PAFAH1B2: variants seen among roughly 807,000 people sequenced by gnomAD.
PAFAH1B2 encodes platelet activating factor acetylhydrolase 1b catalytic subunit 2, also known as platelet-activating factor acetylhydrolase IB subunit alpha2.
In PAFAH1B2, 8 loss-of-function variants were observed where a neutral mutation model predicts 28.0. That is an observed-to-expected ratio of 0.29 (90% CI 0.17 to 0.52). The LOEUF (loss-of-function observed/expected upper bound fraction) is 0.52. PAFAH1B2 is among the 20% of genes least tolerant of loss of function. The pLI is 0.97. For missense variants in PAFAH1B2, 190 were observed against 282.6 expected, an observed-to-expected ratio of 0.67 and a Z score of 2.35; for synonymous variants, 104 against 103.2, an observed-to-expected ratio of 1.01 and a Z score of -0.05.
chr11:117,164,958 CTTTTT>C (rs368887694), intron 5 of PAFAH1B2, among the ~76,000 whole-genome samples: 1 of 132,236 alleles, frequency 7.6e-6, no homozygotes, highest in Admixed American at 7.8e-5. Context: ...TTTCTTTTTT[CTTTTT>C]TTTTTTTTTT....
chr11:117,164,664 A>G (rs1192675504), intron 5 of PAFAH1B2, among the ~76,000 whole-genome samples: 1 of 152,202 alleles, frequency 6.6e-6, no homozygotes, highest in African/African-American at 2.4e-5. Context: ...CTGAACAGAA[A>G]GGTGCTACCC....
rs367691780 is a variant in PAFAH1B2 at position 117,145,184 on chromosome 11, G to GT, written c.-8+773dup. The stretch of plus-strand genomic sequence containing the variant: ...TGTCAGCGGAGAGGTTTGGGGGGAT[G>GT]TTTTTTTCCTGGCTCACCGTCCGTT... On this transcript the variant is annotated intron_variant, in intron 1 of 5. Coordinates refer to ENST00000527958, the MANE Select transcript of PAFAH1B2 (RefSeq NM_002572.4). 5.5e-3 allele frequency among the ~76,000 whole-genome samples: 841 copies of GT among 152,220 alleles called. 7 individuals are homozygous for GT. Among genetic ancestry groups the GT allele is most frequent in the African/African-American group, 0.019 (788 of 41,518 alleles).
At chr11:117,166,193 G>A (rs1254175188) in intron 5 of PAFAH1B2, among the ~76,000 whole-genome samples, 1 of 152,194 alleles carries the variant, frequency 6.6e-6, no homozygotes. Flanking sequence ...TTTATCCACA[G>A]TTGCTGGGGG....
downstream of PAFAH1B2, among the ~76,000 whole-genome samples, chr11:117,172,339 A>C: frequency 8.2e-6 from 1 of 121,348 alleles, no homozygotes; most frequent in Non-Finnish European, 1.7e-5. Context: ...TTGCTGGTTC[A>C]TTCTAGCTTT....
Position 117,168,597 on chromosome 11 carries a change from C to G in PAFAH1B2, c.*898C>G. 1 of 1,062,738 alleles carries G rather than the reference C, an allele frequency of 9.4e-7. No homozygotes were observed. The highest frequency in any genetic ancestry group is 1.1e-6 in the Non-Finnish European group (1 of 878,004). The allele number at this position is 1,062,738 out of a possible 1,614,324, so 65.8% of individuals were successfully genotyped here. A position where few individuals can be genotyped will look rare whatever the true frequency, so the allele number is the denominator to read the frequency against. ...ATAAAACTCATTCTTGTGTGGTGTT[C>G]TGTGCTATAGATTCTGTGTATTGCT... is the stretch of plus-strand genomic sequence containing the variant. On this transcript the variant is annotated 3_prime_UTR_variant, in exon 6 of 6. Transcript: ENST00000527958.
Position 117,170,650 on chromosome 11 carries a change from C to T in PAFAH1B2, c.*2951C>T. On this transcript the variant is annotated 3_prime_UTR_variant, in exon 6 of 6. Transcript: ENST00000527958. ...TTAAAAAAAAAAAAAAAAAAAAAGT[C>T]CAACTTACTTTATTTTATTTTTTTA... is the stretch of plus-strand genomic sequence containing the variant. 1 of 1,002,790 alleles carries T rather than the reference C, an allele frequency of 1.0e-6. No homozygotes were observed. The highest frequency in any genetic ancestry group is 1.2e-6 in the Non-Finnish European group (1 of 827,180). 62.1% of individuals were successfully genotyped at this position (1,002,790 alleles called of 1,614,324 possible).
rs1171771726 is a variant in PAFAH1B2 at position 117,168,526 on chromosome 11, G to C, written c.*827G>C. ...ACATTTTTGACCTAGGAGCCCTGTT[G>C]CTGGAAGTATAGTCTCCAGCCAGTT... is the stretch of plus-strand genomic sequence containing the variant. On this transcript the variant is annotated 3_prime_UTR_variant, in exon 6 of 6. Coordinates refer to ENST00000527958, the MANE Select transcript of PAFAH1B2 (RefSeq NM_002572.4). 2 of 1,009,960 alleles carry C rather than the reference G, an allele frequency of 2.0e-6. No individual in the cohort carries two copies. Among genetic ancestry groups the C allele is most frequent in the Non-Finnish European group, 2.3e-6 (2 of 856,582 alleles). The allele number at this position is 1,009,960 out of a possible 1,614,324, so 62.6% of individuals were successfully genotyped here.
At chr11:117,171,876 A>G (rs914815002), downstream of PAFAH1B2, 1 of 713,236 alleles carries the variant, frequency 1.4e-6, no homozygotes, top group Non-Finnish European at 2.2e-6. Context: ...TTTAGGAGGA[A>G]AAATTTGGAG....
At chr11:117,167,019 G>T (rs1483927540) in intron 5 of PAFAH1B2, among the ~76,000 whole-genome samples, 1 of 152,198 alleles carries the variant, frequency 6.6e-6, no homozygotes, top group Non-Finnish European at 1.5e-5. Context: ...ACTTGCAGAT[G>T]TTGGAATGAC....
At chr11:117,152,369 T>C (rs1288628371) in intron 1 of PAFAH1B2, 72 bp from the exon 2 acceptor site, 7 of 838,186 alleles carry the variant, frequency 8.4e-6, no homozygotes, top group East Asian at 2.4e-5. Flanking sequence ...TAAAGCCTGA[T>C]GTGTATAATA....
chr11:117,146,839 GAA>G (rs34339279), intron 1 of PAFAH1B2, among the ~76,000 whole-genome samples: 114 of 41,628 alleles, frequency 2.7e-3, no homozygotes, highest in Non-Finnish European at 5.6e-3. Flanking sequence ...CCATCTATTG[GAA>G]AAAAAAAAAA....
At chr11:117,147,315 G>A (rs61905473) in intron 1 of PAFAH1B2, among the ~76,000 whole-genome samples, 2 of 152,134 alleles carry the variant, frequency 1.3e-5, no homozygotes, top group African/African-American at 4.8e-5. Flanking sequence ...ACAGGGTCTT[G>A]CTCTGTCCCT....
chr11:117,174,682 C>G (rs1219781373), downstream of PAFAH1B2, among the ~76,000 whole-genome samples: 1 of 152,056 alleles, frequency 6.6e-6, no homozygotes, highest in Admixed American at 6.5e-5. Context: ...TTCTCCATGT[C>G]TGTCAGGCTG....
intron 2 of PAFAH1B2, among the ~76,000 whole-genome samples, chr11:117,156,747 A>G (rs907397942): frequency 6.6e-6 from 1 of 152,118 alleles, no homozygotes; most frequent in Non-Finnish European, 1.5e-5. Context: ...GGGGCCGGGC[A>G]CGGTGGCTCA....
At chr11:117,165,876 A>G (rs914658011) in intron 5 of PAFAH1B2, among the ~76,000 whole-genome samples, 33 of 148,418 alleles carry the variant, frequency 2.2e-4, no homozygotes, top group African/African-American at 8.2e-4. Flanking sequence ...GTCTCGCTCT[A>G]CTGCCCAGGC....
chr11:117,163,683 A>G, intron 4 of PAFAH1B2, 87 bp from the exon 5 acceptor site: 1 of 1,419,676 alleles, frequency 7.0e-7, no homozygotes, highest in Non-Finnish European at 9.7e-7. Flanking sequence ...AAAAAAAAAA[A>G]AAAAAAAGAT....
intron 2 of PAFAH1B2, among the ~76,000 whole-genome samples, chr11:117,158,578 C>T (rs1033913006): frequency 2.0e-5 from 3 of 150,776 alleles, no homozygotes; most frequent in African/African-American, 7.3e-5. Flanking sequence ...CTCTTGGAGC[C>T]ATTTGAAAAA....
At chr11:117,161,301 T>C in intron 4 of PAFAH1B2, 40 bp downstream of exon 4, 1 of 1,261,406 alleles carries the variant, frequency 7.9e-7, no homozygotes, top group South Asian at 1.4e-5. Flanking sequence ...TAATCTTAAG[T>C]CTGTTTTGGA....
In PAFAH1B2 at chr11:117,168,241, A is replaced by G. The variant is rs1054232893; in HGVS notation, c.*542A>G. ...TTGTCATTGATATATGGAAGATGCT[A>G]TAGTTAGAAGTGAATTTGTTCTGCT... On this transcript the variant is annotated 3_prime_UTR_variant, in exon 6 of 6. Transcript: ENST00000527958. The G allele has an allele frequency of 1.0e-5, 11 of 1,061,384 alleles. No homozygotes were observed. In the East Asian group the frequency reaches 1.5e-4, roughly 15 times the overall value. 65.7% of individuals were successfully genotyped at this position (1,061,384 alleles called of 1,614,324 possible). A position where few individuals can be genotyped will look rare whatever the true frequency, so the allele number is the denominator to read the frequency against.
Sources: allele counts gnomAD v4.1 joint callset (sites outside exome capture counted in the v4.1 genomes callset), GRCh38; gene constraint gnomAD v4.1.1; transcripts MANE v1.5; gene names NCBI Gene and HGNC (gene_info 2026-07-23, HGNC 2026-07-21).